NOVA1: variants seen among roughly 807,000 people sequenced by gnomAD.
NOVA1 encodes NOVA alternative splicing regulator 1.
Under a neutral mutation model 38.0 loss-of-function variants are expected in NOVA1, and 7 were observed. The observed-to-expected ratio is 0.18, with a 90% CI of 0.10 to 0.35. The LOEUF is 0.35. Ranked by LOEUF, NOVA1 falls within the 10% of genes least tolerant of loss-of-function variation. The pLI, the probability that NOVA1 is intolerant of heterozygous loss-of-function variation, is 1.00. For missense variants in NOVA1, 460 were observed against 616.0 expected, an observed-to-expected ratio of 0.75 and a Z score of 2.68; for synonymous variants, 270 against 232.5, an observed-to-expected ratio of 1.16 and a Z score of -1.47.
intron 4 of NOVA1, among the ~76,000 whole-genome samples, chr14:26,463,606 C>T (rs1199847606): frequency 1.3e-5 from 2 of 152,054 alleles, no homozygotes; most frequent in Non-Finnish European, 2.9e-5. Flanking sequence ...ATATTTTTTC[C>T]AAATGTACTG....
At chr14:26,573,822 C>CA (rs1033995578) in intron 2 of NOVA1, among the ~76,000 whole-genome samples, 18 of 152,032 alleles carry the variant, frequency 1.2e-4, no homozygotes, top group African/African-American at 3.9e-4. Flanking sequence ...AGGATAACAG[C>CA]AACAGAGCTG....
intron 2 of NOVA1, among the ~76,000 whole-genome samples, chr14:26,506,827 G>T (rs530553814): frequency 8.5e-5 from 13 of 152,090 alleles, no homozygotes; most frequent in African/African-American, 2.2e-4. Context: ...TGATCCACCC[G>T]CCTCTGCCTC....
intron 2 of NOVA1, among the ~76,000 whole-genome samples, chr14:26,498,126 C>T (rs1435968432): frequency 1.3e-5 from 2 of 152,110 alleles, no homozygotes; most frequent in African/African-American, 4.8e-5. Context: ...GTGGTGCGAT[C>T]TCAGCTCACT....
intron 2 of NOVA1, among the ~76,000 whole-genome samples, chr14:26,488,482 A>C (rs1418235938): frequency 6.6e-6 from 1 of 152,294 alleles, no homozygotes; most frequent in Admixed American, 6.5e-5. Context: ...AAGAACCCTG[A>C]AAACAGATAT....
chr14:26,465,658 TAGAG>T (rs967281768), intron 4 of NOVA1, among the ~76,000 whole-genome samples: 40 of 152,110 alleles, frequency 2.6e-4, no homozygotes, highest in Non-Finnish European at 4.9e-4. Context: ...TTTATATTGT[TAGAG>T]AGAATTCTAT....
At chr14:26,473,059 A>G (rs1055456591) in intron 3 of NOVA1, among the ~76,000 whole-genome samples, 1 of 151,902 alleles carries the variant, frequency 6.6e-6, no homozygotes, top group Non-Finnish European at 1.5e-5. Context: ...ACAAATCATC[A>G]TAATATTTTT....
chr14:26,586,875 T>C (rs1253109100), intron 2 of NOVA1, among the ~76,000 whole-genome samples: 1 of 149,418 alleles, frequency 6.7e-6, no homozygotes, highest in African/African-American at 2.4e-5. Flanking sequence ...ATAATAATAA[T>C]AATGGCAAAA....
chr14:26,560,221 T>A (rs1334040956), intron 2 of NOVA1, among the ~76,000 whole-genome samples: 3 of 152,128 alleles, frequency 2.0e-5, no homozygotes, highest in Non-Finnish European at 4.4e-5. Flanking sequence ...ATACATGTCT[T>A]TAAATAATTT....
intron 4 of NOVA1, among the ~76,000 whole-genome samples, chr14:26,467,043 GAC>G (rs1248094928): frequency 6.6e-6 from 1 of 152,176 alleles, no homozygotes; most frequent in African/African-American, 2.4e-5. Flanking sequence ...CCACAGTGGA[GAC>G]ACAAATTTCA....
chr14:26,513,278 A>G (rs975702906), intron 2 of NOVA1, among the ~76,000 whole-genome samples: 9 of 151,930 alleles, frequency 5.9e-5, no homozygotes. Flanking sequence ...AAGATATTCA[A>G]TTTATGGATT....
At chr14:26,557,476 C>G (rs1393298348) in intron 2 of NOVA1, among the ~76,000 whole-genome samples, 2 of 152,078 alleles carry the variant, frequency 1.3e-5, no homozygotes, top group African/African-American at 4.8e-5. Context: ...ATCCTCCCAC[C>G]TCAGCCTCCC....
chr14:26,481,929 T>C (rs1423355040), intron 2 of NOVA1, among the ~76,000 whole-genome samples: 1 of 145,262 alleles, frequency 6.9e-6, no homozygotes, highest in African/African-American at 2.7e-5. Flanking sequence ...TTCTTGTTTT[T>C]GGAGACAACT....
At position 26,445,112 on chromosome 14, in the gene NOVA1, A is replaced by T. The variant is rs1019103828; in HGVS notation, c.*2847T>A. The T allele has an allele frequency of 6.6e-6, 1 of 152,240 alleles. No homozygotes were observed. Among genetic ancestry groups the T allele is most frequent in the African/African-American group, 2.4e-5 (1 of 41,474 alleles). 9.4% of individuals were successfully genotyped at this position (152,240 alleles called of 1,614,324 possible). On this transcript the variant is annotated 3_prime_UTR_variant, in exon 5 of 5. Transcript: ENST00000539517. Reference sequence around the variant, plus strand: ...TGCAGAACTGAGGTAATTCGTATTCAGCGTGTTCACCAGCCTCCCTATAGC... The same window carrying T: ...TGCAGAACTGAGGTAATTCGTATTCTGCGTGTTCACCAGCCTCCCTATAGC...
chr14:26,572,768 G>GTGTGTA (rs1892571347), intron 2 of NOVA1, among the ~76,000 whole-genome samples: 1 of 149,890 alleles, frequency 6.7e-6, no homozygotes. Context: ...GTGTGTGTAT[G>GTGTGTA]TGTGTCTGTA....
In NOVA1 at chr14:26,558,072, A is replaced by C. The variant is rs1891601799; in HGVS notation, c.280+37338T>G. Among the ~76,000 whole-genome samples the C allele has an allele frequency of 2.0e-5, 3 of 152,024 alleles. No individual in the cohort carries two copies. In the South Asian group the frequency reaches 6.2e-4, roughly 32 times the overall value. On this transcript the variant is annotated intron_variant, in intron 2 of 4. Coordinates refer to ENST00000539517, the MANE Select transcript of NOVA1 (RefSeq NM_002515.3). ...TTAAATGATGATCTGGAAAAGGCAA[A>C]ACTATAGAGACAGTAAATGTCAGTG...
At chr14:26,512,750 A>G (rs1359524372) in intron 2 of NOVA1, among the ~76,000 whole-genome samples, 2 of 152,072 alleles carry the variant, frequency 1.3e-5, no homozygotes, top group Non-Finnish European at 2.9e-5. Context: ...CATGTGGCAT[A>G]ATTTGAAAAG....
At chr14:26,580,458 T>C (rs1762839350) in intron 2 of NOVA1, among the ~76,000 whole-genome samples, 1 of 152,074 alleles carries the variant, frequency 6.6e-6, no homozygotes, top group Non-Finnish European at 1.5e-5. Flanking sequence ...TCTTCTCCAC[T>C]ATATAGGCAA....
At chr14:26,531,893 T>C (rs1889744118) in intron 2 of NOVA1, among the ~76,000 whole-genome samples, 2 of 151,932 alleles carry the variant, frequency 1.3e-5, no homozygotes, top group East Asian at 1.9e-4. Context: ...AACAATCCAA[T>C]AGAGACAACC....
chr14:26,579,461 A>T (rs1893076182), intron 2 of NOVA1, among the ~76,000 whole-genome samples: 1 of 152,226 alleles, frequency 6.6e-6, no homozygotes, highest in African/African-American at 2.4e-5. Flanking sequence ...TCTAAGAATC[A>T]GTATAATCTT....
Sources: gnomAD v4.1 joint callset for allele counts (sites outside exome capture counted in the v4.1 genomes callset) on GRCh38, gnomAD v4.1.1 for gene constraint, MANE v1.5 for transcripts, NCBI Gene and HGNC (gene_info 2026-07-23, HGNC 2026-07-21) for gene names.